Variants in HORMAD2 observed in about 807,000 individuals in gnomAD.
HORMAD2 encodes HORMA domain containing 2, also known as HORMA domain-containing protein 2.
A neutral mutation model predicts 38.8 loss-of-function variants in HORMAD2; 45 were observed. The observed-to-expected ratio is 1.16, with a 90% confidence interval of 0.91 to 1.49. The LOEUF (loss-of-function observed/expected upper bound fraction) is 1.49. Ranked by LOEUF, HORMAD2 falls within the 40% of genes most tolerant of loss-of-function variation. The pLI is 0.00. For missense variants in HORMAD2, 338 were observed against 367.0 expected, an observed-to-expected ratio of 0.92 and a Z score of 0.65; for synonymous variants, 126 against 122.8, an observed-to-expected ratio of 1.03 and a Z score of -0.17.
intron 10 of HORMAD2, among the ~76,000 whole-genome samples, chr22:30,175,135 C>T (rs1160141220): frequency 2.0e-5 from 3 of 148,594 alleles, no homozygotes; most frequent in East Asian, 1.9e-4. Context: ...AATAACATGC[C>T]TCTCCTACGA....
At chr22:30,104,672 T>A in intron 5 of HORMAD2, 1 of 375,842 alleles carries the variant, frequency 2.7e-6, no homozygotes, top group Non-Finnish European at 4.8e-6. Context: ...ACCACAGAGT[T>A]TCCTCTGAAG....
chr22:30,206,942 C>G, the HORMAD2 span: 47 of 403,452 alleles, frequency 1.2e-4, no homozygotes, highest in African/African-American at 9.2e-4. Flanking sequence ...TGGCCCATAT[C>G]CCGGCAATTC....
Position 30,176,176 on chromosome 22 carries a change from T to C in HORMAD2, c.*9T>C, listed in dbSNP as rs759890591. Reference sequence around the variant, plus strand: ...TCCCTAACAGAAAATGAAAGCTAAATATTCCTTCTACATTTATTTTAAAAT... The same window carrying C: ...TCCCTAACAGAAAATGAAAGCTAAACATTCCTTCTACATTTATTTTAAAAT... On this transcript the variant is annotated 3_prime_UTR_variant, in exon 11 of 11. Transcript: ENST00000336726. 2.7e-6 allele frequency: 4 copies of C among 1,479,136 alleles called. No individual in the cohort carries two copies. The highest frequency in any genetic ancestry group is 1.7e-4 in the Middle Eastern group (1 of 5,800). 91.6% of individuals were successfully genotyped at this position (1,479,136 alleles called of 1,614,324 possible).
Position 30,112,502 on chromosome 22 carries a change from A to C in HORMAD2, c.322A>C (p.Thr108Pro). The C allele has an allele frequency of 7.1e-7, 1 of 1,398,976 alleles. No homozygotes were observed. The highest frequency in any genetic ancestry group is 9.6e-7 in the Non-Finnish European group (1 of 1,044,276). 86.7% of individuals were successfully genotyped at this position (1,398,976 alleles called of 1,614,324 possible). Reference sequence around the variant, plus strand: ...TTTATTTTCCCTTATACAGCTTTACACAGATCCCATGGGATCTGAGGTAAG... The same window carrying C: ...TTTATTTTCCCTTATACAGCTTTACCCAGATCCCATGGGATCTGAGGTAAG... ...YLRMAVLTLY[T>P]DPMGSEKVTE... The change falls in exon 7 of 11, where the codon ACA (threonine) becomes CCA (proline). Residue 108 changes from threonine (T) to proline (P), a missense_variant. Thr to Pro is a conservative substitution (Grantham distance 38). Transcript: ENST00000336726.
In HORMAD2 at chr22:30,165,960, T is replaced by G. The variant is rs143151025; in HGVS notation, c.820-10103T>G. Among the ~76,000 whole-genome samples the G allele has an allele frequency of 3.4e-3, 510 of 151,590 alleles. 10 individuals are homozygous for G. The highest frequency in any genetic ancestry group is 0.012 in the African/African-American group (492 of 41,448). ...TTGTTTATTCCCTTTATTTTTATTA[T>G]TATTATTCTTTTTCTTTATTCTTCA... is the stretch of plus-strand genomic sequence containing the variant. On this transcript the variant is annotated intron_variant, in intron 10 of 10. Transcript: ENST00000336726.
At chr22:30,191,983 G>A in the HORMAD2 span, 138,668 of 152,280 alleles carry the variant, frequency 0.91, 63,249 homozygotes, top group East Asian at 1. Flanking sequence ...TTTACTTAAA[G>A]CAACAACCAA....
At chr22:30,140,234 A>C (rs1381687034) in intron 10 of HORMAD2, among the ~76,000 whole-genome samples, 1 of 152,190 alleles carries the variant, frequency 6.6e-6, no homozygotes, top group African/African-American at 2.4e-5. Flanking sequence ...AGTGCACTCC[A>C]GCCTGGGCAA....
chr22:30,097,394 A>G (rs2068801465), intron 2 of HORMAD2, among the ~76,000 whole-genome samples: 1 of 152,210 alleles, frequency 6.6e-6, no homozygotes, highest in Non-Finnish European at 1.5e-5. Context: ...CTAATCATTT[A>G]AGAACAATGA....
intron 1 of HORMAD2, among the ~76,000 whole-genome samples, chr22:30,088,667 TAA>T (rs35629939): frequency 2.0e-5 from 3 of 151,332 alleles, no homozygotes; most frequent in African/African-American, 7.2e-5. Context: ...TTTTATTAAT[TAA>T]AAAAGTTAAT....
intron 10 of HORMAD2, among the ~76,000 whole-genome samples, chr22:30,157,577 G>A (rs1925160808): frequency 6.6e-6 from 1 of 151,996 alleles, no homozygotes; most frequent in Non-Finnish European, 1.5e-5. Context: ...ATTGCTTCTT[G>A]GGTGGGATTT....
At chr22:30,113,388 T>G (rs568452874) in intron 7 of HORMAD2, among the ~76,000 whole-genome samples, 3 of 151,870 alleles carry the variant, frequency 2.0e-5, no homozygotes, top group Non-Finnish European at 4.4e-5. Context: ...CTAATTTTTA[T>G]ATTTTTTATA....
chr22:30,186,624 C>G, the HORMAD2 span, among the ~76,000 whole-genome samples: 5 of 152,062 alleles, frequency 3.3e-5, no homozygotes, highest in African/African-American at 4.8e-5. Context: ...TCCATCTTTT[C>G]CTATCAGCCA....
intron 10 of HORMAD2, among the ~76,000 whole-genome samples, chr22:30,142,438 T>A (rs922056610): frequency 5.9e-5 from 9 of 152,252 alleles, no homozygotes; most frequent in African/African-American, 2.2e-4. Context: ...TCTGCCTAAT[T>A]GTCCTATTCA....
chr22:30,207,075 G>T, the HORMAD2 span: 2 of 470,792 alleles, frequency 4.2e-6, no homozygotes, highest in Non-Finnish European at 4.4e-6. Context: ...GGAATGTTTG[G>T]ACATCCCAGC....
At chr22:30,181,394 T>G (rs1484906057), downstream of HORMAD2, among the ~76,000 whole-genome samples, 2 of 152,108 alleles carry the variant, frequency 1.3e-5, no homozygotes, top group East Asian at 3.9e-4. Flanking sequence ...ACTTGAACCA[T>G]GCTTCCAATT....
chr22:30,191,480 C>T, the HORMAD2 span, among the ~76,000 whole-genome samples: 1 of 152,122 alleles, frequency 6.6e-6, no homozygotes, highest in South Asian at 2.1e-4. Context: ...GTCCCCTCCC[C>T]TTCAGGGTAC....
intron 10 of HORMAD2, among the ~76,000 whole-genome samples, chr22:30,135,761 A>G (rs1172308719): frequency 1.3e-5 from 2 of 152,218 alleles, no homozygotes; most frequent in African/African-American, 2.4e-5. Context: ...AACTTTTAGT[A>G]AAACCCTCCA....
Position 30,116,751 on chromosome 22 carries a change from A to G in HORMAD2, c.343-2229A>G, listed in dbSNP as rs144323450. Reference sequence around the variant, plus strand: ...CTTTTATTAGTTGCTTCAGGGATCAAATAATAAAGTGTAAATAAAATTATC... The same window carrying G: ...CTTTTATTAGTTGCTTCAGGGATCAGATAATAAAGTGTAAATAAAATTATC... On this transcript the variant is annotated intron_variant, in intron 7 of 10. Coordinates refer to ENST00000336726, the MANE Select transcript of HORMAD2 (RefSeq NM_152510.4). Among the ~76,000 whole-genome samples, 6 of 152,348 alleles carry G rather than the reference A, an allele frequency of 3.9e-5. No individual in the cohort carries two copies. In the East Asian group the frequency reaches 1.2e-3, roughly 29 times the overall value.
chr22:30,104,567 TTCTTA>T (rs1921048087), intron 5 of HORMAD2, 130 bp downstream of exon 5: 2 of 660,506 alleles, frequency 3.0e-6, no homozygotes, highest in African/African-American at 3.7e-5. Flanking sequence ...ATAAACTAAT[TTCTTA>T]TCTTATGTCT....
Sources: allele counts gnomAD v4.1 joint callset (sites outside exome capture counted in the v4.1 genomes callset), GRCh38; gene constraint gnomAD v4.1.1; transcripts MANE v1.5; gene names NCBI Gene and HGNC (gene_info 2026-07-23, HGNC 2026-07-21).